Variants in GNE observed in about 807,000 individuals in gnomAD.
GNE encodes glucosamine (UDP-N-acetyl)-2-epimerase/N-acetylmannosamine kinase, also known as bifunctional UDP-N-acetylglucosamine 2-epimerase/N-acetylmannosamine kinase.
Under a neutral mutation model 61.8 loss-of-function variants are expected in GNE, and 41 were observed. The observed-to-expected ratio is 0.66, with a 90% confidence interval of 0.52 to 0.86. The LOEUF is 0.86. Among genes scored for constraint, GNE ranks in the 40% least tolerant of loss-of-function variants. The pLI, the probability that GNE is intolerant of heterozygous loss-of-function variation, is 0.00. For synonymous variants in GNE, 264 were observed against 326.4 expected (o/e 0.81, Z 2.06); for missense variants, 608 against 909.1 (o/e 0.67, Z 4.26).
chr9:36,272,050 G>T (rs1831048468), intron 1 of GNE, among the ~76,000 whole-genome samples: 1 of 152,126 alleles, frequency 6.6e-6, no homozygotes, highest in Non-Finnish European at 1.5e-5. Flanking sequence ...CACCATCTAG[G>T]CTCACGATCG....
At chr9:36,220,533 T>C (rs1359371404) in intron 9 of GNE, among the ~76,000 whole-genome samples, 1 of 152,138 alleles carries the variant, frequency 6.6e-6, no homozygotes, top group African/African-American at 2.4e-5. Context: ...TCAACTTCAA[T>C]AATGTTAATA....
intron 1 of GNE, among the ~76,000 whole-genome samples, chr9:36,252,719 T>C (rs1271281304): frequency 5.9e-5 from 9 of 152,210 alleles, no homozygotes; most frequent in African/African-American, 2.2e-4. Flanking sequence ...ACTAAATTTT[T>C]GATCAGGTAG....
intron 3 of GNE, among the ~76,000 whole-genome samples, chr9:36,240,585 A>G (rs773523334): frequency 9.2e-5 from 14 of 152,108 alleles, no homozygotes; most frequent in Admixed American, 2.0e-4. Flanking sequence ...TTTAGCATCT[A>G]TGTTCATCAA....
At chr9:36,228,125 C>T (rs1828977085) in intron 6 of GNE, among the ~76,000 whole-genome samples, 1 of 150,186 alleles carries the variant, frequency 6.7e-6, no homozygotes. Context: ...TCATGTTGTA[C>T]ACAATAAATA....
upstream of GNE, among the ~76,000 whole-genome samples, chr9:36,259,007 C>T (rs1563956362): frequency 2.6e-5 from 4 of 152,122 alleles, no homozygotes; most frequent in South Asian, 2.1e-4. Context: ...CAGCCAGTCC[C>T]GAGGCCTAGG....
In GNE at chr9:36,269,101, G is replaced by A. The variant is rs533567758; in HGVS notation, c.51+7793C>T. On this transcript the variant is annotated intron_variant, in intron 1 of 11. Coordinates refer to the GNE transcript ENST00000396594. ...GCCAAGTTCTTGCCACTGCACTCCA[G>A]CCTGGGCAACAGAGCGAGACTCCGT... is the stretch of plus-strand genomic sequence containing the variant. Among the ~76,000 whole-genome samples, 19 of 147,950 alleles carry A rather than the reference G, an allele frequency of 1.3e-4. No homozygotes were observed. In the South Asian group the frequency reaches 3.8e-3, roughly 30 times the overall value.
intron 6 of GNE, 48 bp from the exon 7 acceptor site, chr9:36,227,506 G>T: frequency 1.7e-6 from 2 of 1,158,474 alleles, no homozygotes; most frequent in Non-Finnish European, 2.6e-6. Context: ...TGCCATACAT[G>T]TTAAGTGGTA....
intron 1 of GNE, among the ~76,000 whole-genome samples, chr9:36,275,013 C>T (rs1019125470): frequency 2.0e-5 from 3 of 152,296 alleles, no homozygotes; most frequent in East Asian, 1.9e-4. Flanking sequence ...CGCGAGCCAC[C>T]GCACCCGGCC....
At chr9:36,240,118 G>A (rs1457388787) in intron 3 of GNE, among the ~76,000 whole-genome samples, 14 of 151,988 alleles carry the variant, frequency 9.2e-5, no homozygotes, top group Non-Finnish European at 1.9e-4. Context: ...AAAGAGTGAC[G>A]GTTTGACTTC....
At chr9:36,259,061 C>T (rs546369753), upstream of GNE, among the ~76,000 whole-genome samples, 1 of 152,318 alleles carries the variant, frequency 6.6e-6, no homozygotes, top group South Asian at 2.1e-4. Flanking sequence ...GCTTGCGCAG[C>T]TCCTGAAGAT....
chr9:36,269,599 A>T (rs1475030065), intron 1 of GNE, among the ~76,000 whole-genome samples: 2 of 151,636 alleles, frequency 1.3e-5, no homozygotes, highest in African/African-American at 2.4e-5. Context: ...TGACTTTAAC[A>T]TTCAATCTTT....
chr9:36,222,852 A>C lies in GNE; in HGVS notation c.1558T>G (p.Cys520Gly), dbSNP rs912831036. 19 of 1,614,196 alleles carry C rather than the reference A, an allele frequency of 1.2e-5. No homozygotes were observed. The highest frequency in any genetic ancestry group is 1.5e-5 in the Non-Finnish European group (18 of 1,180,016). Residue 520 changes from cysteine to glycine, a missense_variant, in exon 9 of 12, where the codon TGT becomes GGT. Physicochemically the swap from Cys to Gly is radical, Grantham distance 159. Transcript: ENST00000642385. ...AATTTCCTTTCCGCCAGGGCAGCAC[A>C]GTTGCCATCATTGTCTACCCACACA... ...LPVWVDNDGN[C>G]AALAERKFGQ... is the part of the protein sequence containing the mutation.
At chr9:36,248,026 CAAAA>C (rs34605685) in intron 2 of GNE, among the ~76,000 whole-genome samples, 28 of 80,824 alleles carry the variant, frequency 3.5e-4, no homozygotes, top group African/African-American at 1.0e-3. Flanking sequence ...AACTCCGTCT[CAAAA>C]AAAAAAAAAA....
At chr9:36,241,397 G>A (rs983009338) in intron 3 of GNE, among the ~76,000 whole-genome samples, 3 of 152,182 alleles carry the variant, frequency 2.0e-5, no homozygotes, top group African/African-American at 4.8e-5. Context: ...TTACAGGCGC[G>A]AGCCACTGTG....
chr9:36,260,569 C>A (rs1016894083), upstream of GNE, among the ~76,000 whole-genome samples: 1 of 151,914 alleles, frequency 6.6e-6, no homozygotes, highest in Admixed American at 6.6e-5. Context: ...AAATTAGGGT[C>A]TTTAAAACAA....
intron 2 of GNE, 101 bp from the exon 3 acceptor site, chr9:36,246,583 T>C (rs1829884659): frequency 1.4e-6 from 1 of 726,390 alleles, no homozygotes. Context: ...GTGAGAAACA[T>C]TAAAATAAAT....
At chr9:36,253,279 C>A (rs1448512303) in intron 1 of GNE, among the ~76,000 whole-genome samples, 3 of 145,176 alleles carry the variant, frequency 2.1e-5, no homozygotes, top group Non-Finnish European at 4.6e-5. Flanking sequence ...GCAAAGCTTA[C>A]TTTTTTTTTT....
chr9:36,253,123 C>T (rs1587355115), intron 1 of GNE, among the ~76,000 whole-genome samples: 1 of 152,032 alleles, frequency 6.6e-6, no homozygotes, highest in East Asian at 1.9e-4. Context: ...GATGGTGCCA[C>T]TGCACTCCAA....
In GNE at chr9:36,258,430, C is replaced by A. The variant is rs142004500; in HGVS notation, c.-152G>T. 9.2e-5 allele frequency: 91 copies of A among 985,536 alleles called. 1 individual carries two copies. The East Asian group carries it at 8.6e-3, about 94-fold the overall frequency. The allele number at this position is 985,536 out of a possible 1,614,324, so 61.0% of individuals were successfully genotyped here. A position where few individuals can be genotyped will look rare whatever the true frequency, so the allele number is the denominator to read the frequency against. ...GCGAGCCTGCCCCTCGGTTTCCGCGCTCGGGCGCGCGGGTAGACGACTCGT... is the reference window on the plus strand; with the variant it reads ...GCGAGCCTGCCCCTCGGTTTCCGCGATCGGGCGCGCGGGTAGACGACTCGT... On this transcript the variant is annotated 5_prime_UTR_variant, in exon 1 of 12. Coordinates refer to ENST00000642385, the MANE Select transcript of GNE (RefSeq NM_005476.7).
Sources: allele counts gnomAD v4.1 joint callset (sites outside exome capture counted in the v4.1 genomes callset), GRCh38; gene constraint gnomAD v4.1.1; transcripts MANE v1.5; gene names NCBI Gene and HGNC (gene_info 2026-07-23, HGNC 2026-07-21).